Variants in SENP6 observed in about 807,000 individuals in gnomAD.
SENP6 encodes SUMO specific peptidase 6.
Under a neutral mutation model 134.5 loss-of-function variants are expected in SENP6, and 41 were observed. The observed-to-expected ratio is 0.30, with a 90% confidence interval of 0.24 to 0.40. SENP6 has a LOEUF of 0.40. Among genes scored for constraint, SENP6 ranks in the 10% least tolerant of loss-of-function variants. The pLI is 1.00. For missense variants in SENP6, 1,248 were observed against 1,312.5 expected (o/e 0.95, Z 0.76); for synonymous variants, 395 against 429.8 (o/e 0.92, Z 1.00).
In SENP6 at chr6:75,693,426, A is replaced by G. The variant is rs566508944; in HGVS notation, c.2076-2378A>G. ...CTGAAATTTAAAAAAAAAAAAAAAA[A>G]AAACACCAAAGTAGCCATTATAGTT... On this transcript the variant is annotated intron_variant, in intron 16 of 23. Coordinates refer to ENST00000447266, the MANE Select transcript of SENP6 (RefSeq NM_015571.4). Among the ~76,000 whole-genome samples the G allele has an allele frequency of 2.1e-4, 32 of 151,746 alleles. 2 individuals carry two copies. Among genetic ancestry groups the G allele is most frequent in the Admixed American group, 1.1e-3 (17 of 15,242 alleles).
intron 7 of SENP6, among the ~76,000 whole-genome samples, chr6:75,652,532 G>A (rs1292063391): frequency 2.6e-5 from 4 of 151,058 alleles, no homozygotes; most frequent in African/African-American, 7.3e-5. Flanking sequence ...GACTTGATAC[G>A]TTAATGCCAA....
chr6:75,612,378 C>T (rs75631474), intron 1 of SENP6, among the ~76,000 whole-genome samples: 2,924 of 152,182 alleles, frequency 0.019, 105 homozygotes, highest in African/African-American at 0.066. Flanking sequence ...TTCTCATATT[C>T]GTAATTGTTG....
At chr6:75,653,323 G>A (rs959125468) in intron 7 of SENP6, among the ~76,000 whole-genome samples, 2 of 152,166 alleles carry the variant, frequency 1.3e-5, no homozygotes, top group Non-Finnish European at 2.9e-5. Flanking sequence ...GAGCCACTGT[G>A]CCTGGCCTTA....
chr6:75,699,739 C>T (rs895062811), intron 18 of SENP6, among the ~76,000 whole-genome samples: 3 of 152,072 alleles, frequency 2.0e-5, no homozygotes, highest in Admixed American at 1.3e-4. Context: ...GTCCACCTGC[C>T]GTAGCCTCTC....
At chr6:75,608,784 T>C (rs1049490419) in intron 1 of SENP6, among the ~76,000 whole-genome samples, 4 of 152,206 alleles carry the variant, frequency 2.6e-5, no homozygotes, top group Admixed American at 1.3e-4. Flanking sequence ...TGAGGAAATA[T>C]ATATTACTTA....
rs1269077039 is a variant in SENP6 at position 75,709,683 on chromosome 6, T to C, written c.2820+53T>C. The C allele has an allele frequency of 5.9e-6, 8 of 1,359,236 alleles. No homozygotes were observed. In the South Asian group the frequency reaches 8.3e-5, roughly 14 times the overall value. The allele number at this position is 1,359,236 out of a possible 1,614,324, so 84.2% of individuals were successfully genotyped here. On this transcript the variant is annotated intron_variant, in intron 20 of 23. Coordinates refer to ENST00000447266, the MANE Select transcript of SENP6 (RefSeq NM_015571.4). Reference sequence around the variant, plus strand: ...CTAATGTTTTATCTAATTAAAAGTTTTTCTTGCTGAACATGGTGGTGCACA... The same window carrying C: ...CTAATGTTTTATCTAATTAAAAGTTCTTCTTGCTGAACATGGTGGTGCACA...
At chr6:75,703,122 ATTTTT>A in intron 19 of SENP6, 50 bp downstream of exon 19, 1 of 1,389,942 alleles carries the variant, frequency 7.2e-7, no homozygotes, top group Non-Finnish European at 9.8e-7. Flanking sequence ...AATAATCTGG[ATTTTT>A]TAATAAACAG....
chr6:75,635,026 C>A (rs1377309090), intron 5 of SENP6: 6 of 630,272 alleles, frequency 9.5e-6, no homozygotes, highest in Non-Finnish European at 1.7e-5. Flanking sequence ...TTCACTAAGA[C>A]CTGTTGTATT....
intron 10 of SENP6, 52 bp from the exon 11 acceptor site, chr6:75,670,501 T>C (rs1772584100): frequency 7.3e-7 from 1 of 1,369,158 alleles, no homozygotes; most frequent in Non-Finnish European, 1.0e-6. Flanking sequence ...ATACTTAGCT[T>C]GCAGCCTTAT....
At chr6:75,653,053 G>A (rs1056418214) in intron 7 of SENP6, among the ~76,000 whole-genome samples, 1 of 149,228 alleles carries the variant, frequency 6.7e-6, no homozygotes, top group East Asian at 1.9e-4. Flanking sequence ...CTTTTTTGAC[G>A]GAGTTTCGCT....
At chr6:75,632,425 G>C (rs1454804750) in intron 3 of SENP6, among the ~76,000 whole-genome samples, 2 of 152,134 alleles carry the variant, frequency 1.3e-5, no homozygotes, top group Non-Finnish European at 2.9e-5. Flanking sequence ...GAATTGTCAT[G>C]AGATTTATAT....
chr6:75,715,358 C>G (rs747202417), intron 23 of SENP6, 27 bp from the exon 24 acceptor site: 7 of 1,479,094 alleles, frequency 4.7e-6, no homozygotes, highest in South Asian at 4.7e-5. Context: ...TTACAGTTTT[C>G]TAATACGCAT....
chr6:75,607,001 CAGAT>C (rs1184405971), intron 1 of SENP6, among the ~76,000 whole-genome samples: 32 of 152,154 alleles, frequency 2.1e-4, no homozygotes, highest in South Asian at 6.2e-4. Context: ...ATAATGGTGT[CAGAT>C]AGGAGAGCGG....
chr6:75,677,511 C>A, intron 14 of SENP6: 1 of 300,446 alleles, frequency 3.3e-6, no homozygotes, highest in East Asian at 6.2e-5. Flanking sequence ...TTTTCATCAT[C>A]ATTTTCTCTG....
At chr6:75,693,965 C>A (rs9352238) in intron 16 of SENP6, among the ~76,000 whole-genome samples, 92,204 of 151,956 alleles carry the variant, frequency 0.61, 28,307 homozygotes, top group South Asian at 0.66. Flanking sequence ...GCAATAAAAA[C>A]TTAGAACCAG....
intron 7 of SENP6, among the ~76,000 whole-genome samples, chr6:75,658,824 T>C (rs922876823): frequency 6.6e-6 from 1 of 151,598 alleles, no homozygotes; most frequent in Non-Finnish European, 1.5e-5. Flanking sequence ...ATAAAAAAAT[T>C]AGCTGAGTGT....
At chr6:75,699,488 C>A (rs1774887766) in intron 18 of SENP6, among the ~76,000 whole-genome samples, 1 of 144,166 alleles carries the variant, frequency 6.9e-6, no homozygotes, top group East Asian at 2.1e-4. Flanking sequence ...TTTTTCTTTT[C>A]TTTCTTTCTT....
chr6:75,700,755 G>A (rs1051842191), intron 18 of SENP6, among the ~76,000 whole-genome samples: 1 of 152,214 alleles, frequency 6.6e-6, no homozygotes, highest in Non-Finnish European at 1.5e-5. Context: ...ACCTCCCAAA[G>A]TGTTGGGATT....
intron 7 of SENP6, among the ~76,000 whole-genome samples, chr6:75,652,683 C>CAAAAAAAAAAAAAAAACA (rs1770969451): frequency 1.3e-5 from 1 of 75,856 alleles, no homozygotes. Flanking sequence ...CTAAAAATCT[C>CAAAAAAAAAAAAAAAACA]AAAAAAAAAA....
Sources: allele counts gnomAD v4.1 joint callset (sites outside exome capture counted in the v4.1 genomes callset), GRCh38; gene constraint gnomAD v4.1.1; transcripts MANE v1.5; gene names NCBI Gene and HGNC (gene_info 2026-07-23, HGNC 2026-07-21).